MDGA2: variants seen among roughly 807,000 people sequenced by gnomAD.
MDGA2 encodes the protein MAM domain containing glycosylphosphatidylinositol anchor 2.
Under a neutral mutation model 117.8 loss-of-function variants are expected in MDGA2, and 40 were observed. The ratio of observed to expected loss-of-function variants is 0.34; its 90% confidence interval spans 0.26 to 0.44. The LOEUF (loss-of-function observed/expected upper bound fraction) is 0.44. MDGA2 is among the 20% of genes least tolerant of loss of function. MDGA2 has a pLI of 1.00. For synonymous variants in MDGA2, 452 were observed against 439.0 expected (o/e 1.03, Z -0.37); for missense variants, 1,123 against 1,250.6 (o/e 0.90, Z 1.54).
intron 1 of MDGA2, among the ~76,000 whole-genome samples, chr14:47,554,126 G>A (rs1048190448): frequency 6.6e-6 from 1 of 152,166 alleles, no homozygotes; most frequent in Non-Finnish European, 1.5e-5. Flanking sequence ...GGATTTTGGC[G>A]TGGGAGTTCC....
At chr14:47,090,598 A>G (rs566581848) in intron 6 of MDGA2, among the ~76,000 whole-genome samples, 1 of 152,202 alleles carries the variant, frequency 6.6e-6, no homozygotes, top group Admixed American at 6.5e-5. Context: ...TGTCTGTTCC[A>G]TAACAGGGTA....
chr14:47,057,187 A>G (rs1016206854), intron 7 of MDGA2, among the ~76,000 whole-genome samples: 4 of 152,134 alleles, frequency 2.6e-5, no homozygotes, highest in Non-Finnish European at 5.9e-5. Context: ...CACTGTCACT[A>G]GCGCAATGCT....
At chr14:47,008,589 G>T (rs951137866) in intron 8 of MDGA2, among the ~76,000 whole-genome samples, 2 of 151,846 alleles carry the variant, frequency 1.3e-5, no homozygotes, top group African/African-American at 4.8e-5. Context: ...GACAGAATGG[G>T]ATGAAATGGC....
chr14:47,583,996 C>A (rs982077572), intron 1 of MDGA2, among the ~76,000 whole-genome samples: 1 of 151,806 alleles, frequency 6.6e-6, no homozygotes, highest in Non-Finnish European at 1.5e-5. Flanking sequence ...CTATCTCCTG[C>A]ATTTTCACGG....
rs567135001 is a variant in MDGA2 at position 47,421,106 on chromosome 14, T to A, written c.281-119556A>T. ...TGTCAAAATGTTACATTTTACCTGG[T>A]CAATCAATAACCCCTAATATAATCT... On this transcript the variant is annotated intron_variant, in intron 1 of 16. Transcript: ENST00000399232. Among the ~76,000 whole-genome samples, 80 of 152,196 alleles carry A rather than the reference T, an allele frequency of 5.3e-4. No homozygotes were observed. In the South Asian group the frequency reaches 7.9e-3, roughly 15 times the overall value.
chr14:47,660,638 C>T (rs1003842182), intron 1 of MDGA2, among the ~76,000 whole-genome samples: 1 of 152,150 alleles, frequency 6.6e-6, no homozygotes, highest in Non-Finnish European at 1.5e-5. Context: ...AAGCAATACT[C>T]GGAGGGAACT....
chr14:47,661,335 G>A (rs1897841571), intron 1 of MDGA2, among the ~76,000 whole-genome samples: 1 of 152,142 alleles, frequency 6.6e-6, no homozygotes, highest in South Asian at 2.1e-4. Flanking sequence ...ATGGTACAAT[G>A]TGTATAAAAC....
chr14:47,502,922 T>A (rs975396236), intron 1 of MDGA2, among the ~76,000 whole-genome samples: 5 of 152,054 alleles, frequency 3.3e-5, no homozygotes, highest in African/African-American at 1.2e-4. Flanking sequence ...CTTTAAGTGA[T>A]CCTCCTCCTG....
At chr14:47,312,087 A>G (rs12433393) in intron 1 of MDGA2, among the ~76,000 whole-genome samples, 13,555 of 152,222 alleles carry the variant, frequency 0.089, 736 homozygotes, top group Non-Finnish European at 0.11. Context: ...AGTACATATT[A>G]CAATTCAGCT....
intron 1 of MDGA2, among the ~76,000 whole-genome samples, chr14:47,483,373 C>T (rs1485700316): frequency 1.3e-5 from 2 of 152,118 alleles, no homozygotes; most frequent in Admixed American, 1.3e-4. Flanking sequence ...CTGCTTCATT[C>T]AAAGAGACAC....
intron 1 of MDGA2, among the ~76,000 whole-genome samples, chr14:47,414,310 A>G (rs957825448): frequency 4.6e-5 from 7 of 152,170 alleles, no homozygotes; most frequent in Admixed American, 2.6e-4. Context: ...GCTTTGGCCT[A>G]ATAACTTAAT....
chr14:47,411,219 G>A (rs749458135), intron 1 of MDGA2, among the ~76,000 whole-genome samples: 12 of 152,122 alleles, frequency 7.9e-5, no homozygotes, highest in South Asian at 2.1e-4. Flanking sequence ...TACCATAAAC[G>A]TCCTTTTTTT....
At chr14:47,000,400 A>ATATTTATATAT (rs1555342235) in intron 8 of MDGA2, among the ~76,000 whole-genome samples, 6 of 115,602 alleles carry the variant, frequency 5.2e-5, no homozygotes, top group Admixed American at 9.6e-5. Flanking sequence ...TTTATATATA[A>ATATTTATATAT]ATATATATTT....
rs889859485 is a variant in MDGA2 at position 47,395,729 on chromosome 14, AG to A, written c.281-94180del. On this transcript the variant is annotated intron_variant, in intron 1 of 16. Coordinates refer to ENST00000399232, the MANE Select transcript of MDGA2 (RefSeq NM_001113498.3). ...ATCAGACAAAACATATACATTTAGT[AG>A]GTTTTTCTTAATAAAGTATAGGAGC... Among the ~76,000 whole-genome samples, 53 of 152,130 alleles carry A rather than the reference AG, an allele frequency of 3.5e-4. 3 individuals are homozygous for A. Among genetic ancestry groups the A allele is most frequent in the Non-Finnish European group, 1.5e-5 (1 of 67,994 alleles).
chr14:47,195,670 A>C (rs1050231199), intron 3 of MDGA2, among the ~76,000 whole-genome samples: 1 of 152,068 alleles, frequency 6.6e-6, no homozygotes, highest in African/African-American at 2.4e-5. Context: ...GAAATTTAAA[A>C]TGCTATTGCA....
chr14:47,075,037 T>A (rs1220648782), intron 6 of MDGA2, among the ~76,000 whole-genome samples: 1 of 152,138 alleles, frequency 6.6e-6, no homozygotes, highest in Admixed American at 6.5e-5. Flanking sequence ...ATCAAACCTT[T>A]CCCCGCATTT....
intron 1 of MDGA2, among the ~76,000 whole-genome samples, chr14:47,566,319 G>A (rs1425983296): frequency 2.0e-5 from 3 of 152,192 alleles, no homozygotes; most frequent in Non-Finnish European, 4.4e-5. Flanking sequence ...ACAGCAAGCA[G>A]GCACATCCAG....
At chr14:47,518,695 C>T (rs1194015103) in intron 1 of MDGA2, among the ~76,000 whole-genome samples, 1 of 152,096 alleles carries the variant, frequency 6.6e-6, no homozygotes, top group Non-Finnish European at 1.5e-5. Context: ...CATGTTTAAG[C>T]CTCTTACAGG....
chr14:46,880,849 G>A (rs1317578024), intron 11 of MDGA2, among the ~76,000 whole-genome samples: 1 of 145,192 alleles, frequency 6.9e-6, no homozygotes, highest in African/African-American at 2.5e-5. Context: ...ATATCTAATT[G>A]CCATTGTTTC....
Sources: gnomAD v4.1 joint callset for allele counts (sites outside exome capture counted in the v4.1 genomes callset) on GRCh38, gnomAD v4.1.1 for gene constraint, MANE v1.5 for transcripts, NCBI Gene and HGNC (gene_info 2026-07-23, HGNC 2026-07-21) for gene names.